Variants in EPRS1 observed in about 807,000 individuals in gnomAD.
The protein encoded by EPRS1 is bifunctional glutamate/proline--tRNA ligase.
A neutral mutation model predicts 188.3 loss-of-function variants in EPRS1; 107 were observed. The observed-to-expected ratio is 0.57, with a 90% CI of 0.49 to 0.67. EPRS1 has a LOEUF of 0.67. EPRS1 is among the 30% of genes least tolerant of loss of function. EPRS1 has a pLI of 0.00. For synonymous variants in EPRS1, 596 were observed against 593.1 expected, an observed-to-expected ratio of 1.00 and a Z score of -0.07; for missense variants, 1,577 against 1,802.2, an observed-to-expected ratio of 0.88 and a Z score of 2.26.
In EPRS1 at chr1:220,030,332, T is replaced by A. The variant is rs186360734; in HGVS notation, c.623+54A>T. On this transcript the variant is annotated intron_variant, in intron 6 of 31. Transcript: ENST00000366923. Reference sequence around the variant, plus strand: ...TACTTTAAGTATTTAATCACTGTTTTAAAGCTTTCCCACTAAATATATTCA... The same window carrying A: ...TACTTTAAGTATTTAATCACTGTTTAAAAGCTTTCCCACTAAATATATTCA... The A allele has an allele frequency of 4.6e-4, 549 of 1,200,684 alleles. 1 individual carries two copies. In the African/African-American group the frequency reaches 6.7e-3, roughly 15 times the overall value. The allele number at this position is 1,200,684 out of a possible 1,614,324, so 74.4% of individuals were successfully genotyped here.
At chr1:220,008,107 C>CAA (rs55642831) in intron 13 of EPRS1, among the ~76,000 whole-genome samples, 145 of 133,330 alleles carry the variant, frequency 1.1e-3, no homozygotes, top group African/African-American at 3.7e-3. Context: ...ACTCCGTCAC[C>CAA]AAAAAAAAAA....
rs560491637 is a variant in EPRS1, at chr1:220,003,817, T to C, written c.2063+1431A>G. On this transcript the variant is annotated intron_variant, in intron 16 of 31. Transcript: ENST00000366923. ...GACTAAAGGAAATGTGATATTAAAA[T>C]GAATAAGGTTACTCATATGACGAAA... is the stretch of plus-strand genomic sequence containing the variant. Among the ~76,000 whole-genome samples, 3 of 152,244 alleles carry C rather than the reference T, an allele frequency of 2.0e-5. No individual in the cohort carries two copies. The South Asian group carries it at 6.2e-4, about 32-fold the overall frequency.
intron 23 of EPRS1, among the ~76,000 whole-genome samples, chr1:219,982,131 G>C (rs1660911490): frequency 6.6e-6 from 1 of 152,134 alleles, no homozygotes; most frequent in Non-Finnish European, 1.5e-5. Flanking sequence ...AGTATCACTA[G>C]AAATATCAAT....
At chr1:220,009,086 C>T (rs1661551971) in intron 13 of EPRS1, among the ~76,000 whole-genome samples, 1 of 152,170 alleles carries the variant, frequency 6.6e-6, no homozygotes, top group Admixed American at 6.5e-5. Flanking sequence ...CAGATTTATA[C>T]TAACTGTATG....
chr1:220,019,030 T>C lies in EPRS1; in HGVS notation c.1399A>G (p.Thr467Ala). Residue 467 changes from threonine (T) to alanine (A), a missense_variant, in exon 11 of 32, where the codon ACA (threonine) becomes GCA (alanine). By Grantham distance (58) the Thr-to-Ala change is moderately conservative. Transcript: ENST00000366923. ...ATAAACTGTTTCAGTCCTTCAACTG[T>C]CATCCCTCTTCTCAGTACACCACGA... ...TVRGVLRRGMTVEGLKQFIAA... is the reference protein window; with the variant it reads ...TVRGVLRRGMAVEGLKQFIAA... 1.2e-6 allele frequency: 2 copies of C among 1,613,454 alleles called. No individual in the cohort carries two copies. Among genetic ancestry groups the C allele is most frequent in the Non-Finnish European group, 1.7e-6 (2 of 1,179,468 alleles).
intron 23 of EPRS1, 25 bp from the exon 24 acceptor site, chr1:219,981,482 C>G (rs367902422): frequency 4.6e-5 from 70 of 1,508,886 alleles, no homozygotes; most frequent in Non-Finnish European, 6.2e-5. Flanking sequence ...AAAATAGAGA[C>G]AGTCATTTAA....
rs566400736 is a variant in EPRS1 at position 220,028,802 on chromosome 1, C to A, written c.623+1584G>T. On this transcript the variant is annotated intron_variant, in intron 6 of 31. Transcript: ENST00000366923. ...TAAAAGACTAAGCCAAGCCTTCTGGCCTTTCATTTAAGACACAGAAAAGAA... is the reference window on the plus strand; with the variant it reads ...TAAAAGACTAAGCCAAGCCTTCTGGACTTTCATTTAAGACACAGAAAAGAA... Among the ~76,000 whole-genome samples, 21 of 86,232 alleles carry A rather than the reference C, an allele frequency of 2.4e-4. No individual in the cohort carries two copies. The South Asian group carries it at 7.2e-3, about 30-fold the overall frequency. 56.6% of individuals were successfully genotyped at this position (86,232 alleles called of 152,430 possible).
intron 1 of EPRS1, among the ~76,000 whole-genome samples, chr1:220,040,627 G>A (rs986184019): frequency 2.0e-5 from 3 of 152,168 alleles, no homozygotes; most frequent in Non-Finnish European, 4.4e-5. Context: ...AAGGCAGGCG[G>A]ATCACCTGAG....
intron 11 of EPRS1, 144 bp downstream of exon 11, chr1:220,018,849 TTA>T (rs1043505955): frequency 7.3e-4 from 356 of 487,742 alleles, no homozygotes; most frequent in African/African-American, 5.0e-3. Flanking sequence ...AAAGTTTGTT[TTA>T]AAAAAAAAAA....
rs765781858 is a variant in EPRS1, at chr1:220,005,817, G to GTTTTTTTTT, written c.1950+280_1950+288dup. Among the ~76,000 whole-genome samples the GTTTTTTTTT allele has an allele frequency of 3.4e-4, 41 of 119,654 alleles. 1 individual carries two copies. The highest frequency in any genetic ancestry group is 5.7e-4 in the African/African-American group (17 of 29,746). 78.5% of individuals were successfully genotyped at this position (119,654 alleles called of 152,430 possible). A position where few individuals can be genotyped will look rare whatever the true frequency, so the allele number is the denominator to read the frequency against. ...ATAAAATGGAAACATTACTTACATC[G>GTTTTTTTTT]TTTTTTTTTTTGTTTTTTTTTTTGT... On this transcript the variant is annotated intron_variant, in intron 15 of 31. Coordinates refer to ENST00000366923, the MANE Select transcript of EPRS1 (RefSeq NM_004446.3).
chr1:219,978,694 G>T lies in EPRS1; in HGVS notation c.3935C>A (p.Thr1312Asn). Residue 1312 changes from threonine (T) to asparagine (N), a missense_variant, in exon 28 of 32, where the codon ACC becomes AAC. By Grantham distance (65) the Thr-to-Asn change is moderately conservative. Transcript: ENST00000366923. Reference sequence around the variant, plus strand: ...TTTGTCTTCTTCAGAAAGTGCATTGGTAATGCCACAAGGAATAATCACCAC... The same window carrying T: ...TTTGTCTTCTTCAGAAAGTGCATTGTTAATGCCACAAGGAATAATCACCAC... ...VQVVIIPCGITNALSEEDKEA... is the reference protein window; with the variant it reads ...VQVVIIPCGINNALSEEDKEA... 6.2e-7 allele frequency: 1 copy of T among 1,610,948 alleles called. No homozygotes were observed. Among genetic ancestry groups the T allele is most frequent in the Non-Finnish European group, 8.5e-7 (1 of 1,178,508 alleles).
At position 219,980,823 on chromosome 1, in the gene EPRS1, C is replaced by T. The variant is rs981904785; in HGVS notation, c.3488G>A (p.Arg1163His). 1.2e-6 allele frequency: 2 copies of T among 1,613,186 alleles called. No individual in the cohort carries two copies. The highest frequency in any genetic ancestry group is 1.7e-6 in the Non-Finnish European group (2 of 1,179,566). ...TTCCTGCCAAAGAAATTCACGAGTA[C>T]GTAGGAAAGGCTGAGGATGCTTGAA... ...WEFKHPQPFLRTREFLWQEGH... is the reference protein window; with the variant it reads ...WEFKHPQPFLHTREFLWQEGH... Residue 1163 changes from arginine (R) to histidine (H), a missense_variant, in exon 25 of 32, where the codon CGT (arginine) becomes CAT (histidine). By Grantham distance (29) the Arg-to-His change is conservative. This residue lies in a region of EPRS1 where 1,278 missense variants were observed against 1,457.4 expected (regional missense o/e 0.88). Coordinates refer to ENST00000366923, the MANE Select transcript of EPRS1 (RefSeq NM_004446.3).
chr1:220,015,634 C>A (rs762697222), intron 12 of EPRS1, among the ~76,000 whole-genome samples: 3 of 152,002 alleles, frequency 2.0e-5, no homozygotes, highest in African/African-American at 4.8e-5. Context: ...CGGATGAAAA[C>A]AGACCCTCAC....
intron 16 of EPRS1, among the ~76,000 whole-genome samples, chr1:220,004,294 A>G (rs1558052079): frequency 6.6e-6 from 1 of 152,162 alleles, no homozygotes; most frequent in Admixed American, 6.5e-5. Flanking sequence ...TCAGCCTTGC[A>G]AAGTGCTGGG....
intron 21 of EPRS1, 79 bp from the exon 22 acceptor site, chr1:219,983,477 A>G (rs972329997): frequency 1.0e-6 from 1 of 992,106 alleles, no homozygotes; most frequent in African/African-American, 1.7e-5. Flanking sequence ...TGATAACCAA[A>G]ATTCAAATCT....
At chr1:220,032,804 A>C (rs979114842) in intron 4 of EPRS1, among the ~76,000 whole-genome samples, 1 of 152,160 alleles carries the variant, frequency 6.6e-6, no homozygotes, top group Non-Finnish European at 1.5e-5. Context: ...ATGATTACAA[A>C]GCAGCATGAG....
chr1:220,007,431 A>G (rs1661511617), intron 13 of EPRS1, 93 bp from the exon 14 acceptor site: 1 of 1,276,310 alleles, frequency 7.8e-7, no homozygotes, highest in Middle Eastern at 1.9e-4. Flanking sequence ...CTTTAACCAT[A>G]CAAAAGTCTT....
chr1:220,009,393 T>C (rs1385140298), intron 13 of EPRS1, among the ~76,000 whole-genome samples: 5 of 152,228 alleles, frequency 3.3e-5, no homozygotes, highest in South Asian at 2.1e-4. Flanking sequence ...ATTTTCAGTA[T>C]ATAATAAAGT....
intron 6 of EPRS1, among the ~76,000 whole-genome samples, chr1:220,026,997 T>G (rs1661985135): frequency 6.6e-6 from 1 of 152,148 alleles, no homozygotes; most frequent in African/African-American, 2.4e-5. Context: ...GATTCAACTT[T>G]AAGAAGGGCT....
Sources: allele counts gnomAD v4.1 joint callset (sites outside exome capture counted in the v4.1 genomes callset), GRCh38; gene constraint gnomAD v4.1.1; regional missense constraint gnomAD v4.1.1; transcripts MANE v1.5; gene names NCBI Gene and HGNC (gene_info 2026-07-23, HGNC 2026-07-21).